Variants in ATXN7L2 observed in about 807,000 individuals in gnomAD.
ATXN7L2 encodes ataxin 7 like 2.
A neutral mutation model predicts 59.6 loss-of-function variants in ATXN7L2; 17 were observed. That is an observed-to-expected ratio of 0.29 (90% CI 0.20 to 0.43). The LOEUF is 0.43. ATXN7L2 is among the 20% of genes least tolerant of loss of function. ATXN7L2 has a pLI of 1.00. For synonymous variants in ATXN7L2, 378 were observed against 392.5 expected (o/e 0.96, Z 0.44); for missense variants, 858 against 1,008.9 (o/e 0.85, Z 2.03).
intron 1 of ATXN7L2, among the ~76,000 whole-genome samples, chr1:109,484,485 C>T (rs1281784968): frequency 7.0e-6 from 1 of 142,190 alleles, no homozygotes; most frequent in Admixed American, 7.1e-5. Flanking sequence ...CTTGTTCCTT[C>T]GCCTTTTGCC....
In ATXN7L2 at chr1:109,490,141, A is replaced by G. The variant is rs760349926; in HGVS notation, c.1332+13A>G. ...ACGGCCACAGGCGGTAAGGACCTGG[A>G]ATAGGGGCCTATGGAGGGGGTGGCC... On this transcript the variant is annotated intron_variant, in intron 8 of 10. Transcript: ENST00000683729. 6.4e-7 allele frequency: 1 copy of G among 1,565,314 alleles called. No individual in the cohort carries two copies. The highest frequency in any genetic ancestry group is 8.7e-7 in the Non-Finnish European group (1 of 1,155,418).
Position 109,484,056 on chromosome 1 carries a change from C to A in ATXN7L2, c.103C>A (p.Arg35=), listed in dbSNP as rs369600058. ...ACAGAGCTGGAGCTCGTGGGTGGAG[C>A]GGGCCGACCTGCCCGCGGCTGACGG... is the stretch of plus-strand genomic sequence containing the variant. ...AGQSWSSWVE[R]ADLPAADGAE... Residue 35 remains arginine, a synonymous_variant, in exon 1 of 11, where the codon CGG becomes AGG. Coordinates refer to ENST00000683729, the MANE Select transcript of ATXN7L2 (RefSeq NM_001350175.2). 1.9e-4 allele frequency: 285 copies of A among 1,514,636 alleles called. No homozygotes were observed. The highest frequency in any genetic ancestry group is 2.5e-4 in the Non-Finnish European group (279 of 1,128,540). 93.8% of individuals were successfully genotyped at this position (1,514,636 alleles called of 1,614,324 possible).
At position 109,492,645 on chromosome 1, in the gene ATXN7L2, C is replaced by T. The variant is rs779633808; in HGVS notation, c.*45C>T. 6 of 1,610,918 alleles carry T rather than the reference C, an allele frequency of 3.7e-6. No individual in the cohort carries two copies. Among genetic ancestry groups the T allele is most frequent in the South Asian group, 1.1e-5 (1 of 90,818 alleles). On this transcript the variant is annotated 3_prime_UTR_variant, in exon 11 of 11. Transcript: ENST00000683729. The stretch of plus-strand genomic sequence containing the variant: ...TGCAACGGAGCCGCCAGCACCTCCT[C>T]CCCTCCAGATCCGGGCCCCAGGCTG...
chr1:109,491,657 T>G lies in ATXN7L2; in HGVS notation c.2190T>G (p.Ser730=), dbSNP rs1657087670. ...GTGCCCCTGCTGATGTGGCCTGCTC[T>G]GTGCGCCGCAAGAAGCCAGGCCCGG... The part of the protein sequence containing the change: ...QAGAPADVAC[S]VRRKKPGPAL... The change falls in exon 10 of 11, where the codon TCT becomes TCG. Residue 730 remains serine, a synonymous_variant. Coordinates refer to ENST00000683729, the MANE Select transcript of ATXN7L2 (RefSeq NM_001350175.2). This position sits in a 1 kb window ranked among gnomAD's most constrained non-coding sequence, Gnocchi z 4.1. 6.2e-7 allele frequency: 1 copy of G among 1,611,620 alleles called. No homozygotes were observed. Among genetic ancestry groups the G allele is most frequent in the Non-Finnish European group, 8.5e-7 (1 of 1,179,062 alleles).
Position 109,487,037 on chromosome 1 carries a change from A to C in ATXN7L2, c.329A>C (p.Tyr110Ser). 4 of 1,607,234 alleles carry C rather than the reference A, an allele frequency of 2.5e-6. No individual in the cohort carries two copies. Among genetic ancestry groups the C allele is most frequent in the Non-Finnish European group, 3.4e-6 (4 of 1,177,052 alleles). The change falls in exon 4 of 11, where the codon TAT becomes TCT. Residue 110 changes from tyrosine (Y) to serine (S), a missense_variant. Around this residue, in one of 3 missense-constraint regions of ATXN7L2, gnomAD observed 734 missense variants for 862.3 expected, o/e 0.85. Coordinates refer to ENST00000683729, the MANE Select transcript of ATXN7L2 (RefSeq NM_001350175.2). The stretch of plus-strand genomic sequence containing the variant: ...AGACATGGGCCCCTCAGCAAGCTTT[A>C]TGGCCGGGCCCCACCCCCACCTCCA... ...ERRHGPLSKL[Y>S]GRAPPPPPAP...
chr1:109,489,105 G>A lies in ATXN7L2; in HGVS notation c.1133+5G>A, dbSNP rs368111387. ...CCCATACTGTGCACTGCCCAGGTAC[G>A]TCTAGAATCCAACCCCTACCTCACC... On this transcript the variant is annotated splice_donor_5th_base_variant and intron_variant, in intron 7 of 10. Transcript: ENST00000683729. The A allele has an allele frequency of 7.6e-5, 122 of 1,606,744 alleles. No individual in the cohort carries two copies. The African/African-American group carries it at 1.4e-3, about 19-fold the overall frequency.
intron 7 of ATXN7L2, chr1:109,489,486 C>T (rs1656858703): frequency 3.1e-6 from 1 of 327,498 alleles, no homozygotes; most frequent in African/African-American, 2.1e-5. Flanking sequence ...GAGAGCCTGA[C>T]TTGCTGAAGG....
chr1:109,492,017 C>A, intron 10 of ATXN7L2: 1 of 1,178,472 alleles, frequency 8.5e-7, no homozygotes. Flanking sequence ...GGCTGTGACC[C>A]TCATTCCAGG....
intron 4 of ATXN7L2, 64 bp downstream of exon 4, chr1:109,487,281 C>G (rs1267387181): frequency 7.2e-7 from 1 of 1,392,798 alleles, no homozygotes; most frequent in South Asian, 1.5e-5. Flanking sequence ...GGGCTGACAT[C>G]AATACAGACA....
intron 1 of ATXN7L2, chr1:109,485,192 C>T (rs1302921083): frequency 3.7e-6 from 3 of 804,186 alleles, no homozygotes; most frequent in South Asian, 5.9e-5. Context: ...TGGAGTCAGA[C>T]GGGTTTGGTG....
Position 109,491,612 on chromosome 1 carries a change from G to T in ATXN7L2, c.2145G>T (p.Lys715Asn), listed in dbSNP as rs1657083354. 1.9e-6 allele frequency: 3 copies of T among 1,613,676 alleles called. No homozygotes were observed. Among genetic ancestry groups the T allele is most frequent in the Non-Finnish European group, 2.5e-6 (3 of 1,179,960 alleles). The stretch of plus-strand genomic sequence containing the variant: ...TGGCCACTTATTGCCGGCCAGTGAA[G>T]GCCAAGCACTGTCAGGCTGGTGCCC... ...KNLATYCRPV[K>N]AKHCQAGAPA... Residue 715 changes from lysine to asparagine, a missense_variant, in exon 10 of 11, where the codon AAG becomes AAT. Transcript: ENST00000683729. The surrounding 1 kb of genome is among the most constrained non-coding windows in gnomAD (Gnocchi z 4.1).
rs745638279 is a variant in ATXN7L2 at position 109,488,336 on chromosome 1, ACTC to A, written c.797-44_797-42del. ...AGGAAGCGGCCAAATCCTCCTGTAA[ACTC>A]CTGGAAATGGTCTTGAGGTTCATTG... On this transcript the variant is annotated intron_variant, in intron 5 of 10. Coordinates refer to ENST00000683729, the MANE Select transcript of ATXN7L2 (RefSeq NM_001350175.2). This position sits in a 1 kb window ranked among gnomAD's most constrained non-coding sequence, Gnocchi z 5.0. The A allele has an allele frequency of 7.8e-6, 12 of 1,536,816 alleles. No individual in the cohort carries two copies. The Admixed American group carries it at 1.3e-4, about 17-fold the overall frequency.
At chr1:109,487,451 T>C (rs1456936568) in intron 4 of ATXN7L2, 67 bp from the exon 5 acceptor site, 8 of 1,402,388 alleles carry the variant, frequency 5.7e-6, no homozygotes, top group Non-Finnish European at 6.6e-6. Flanking sequence ...GGCTCTGGGC[T>C]AGAGTCCAGG....
intron 4 of ATXN7L2, 72 bp downstream of exon 4, chr1:109,487,289 A>G: frequency 7.3e-7 from 1 of 1,378,842 alleles, no homozygotes; most frequent in Non-Finnish European, 9.6e-7. Context: ...ATCAATACAG[A>G]CAGCCCTGGG....
In ATXN7L2 at chr1:109,486,733, G is replaced by A; in HGVS notation, c.298+123G>A. The A allele has an allele frequency of 1.1e-6, 1 of 875,542 alleles. No individual in the cohort carries two copies. The highest frequency in any genetic ancestry group is 2.7e-5 in the Admixed American group (1 of 36,564). The allele number at this position is 875,542 out of a possible 1,614,324, so 54.2% of individuals were successfully genotyped here. A position where few individuals can be genotyped will look rare whatever the true frequency, so the allele number is the denominator to read the frequency against. On this transcript the variant is annotated intron_variant, in intron 3 of 10. Transcript: ENST00000683729. This position sits in a 1 kb window ranked among gnomAD's most constrained non-coding sequence, Gnocchi z 4.3. ...GGGTGGTGTTGAGGATAGGAAGGTTGTGGGGGTGGCTTCAGAGCATTGTGG... is the reference window on the plus strand; with the variant it reads ...GGGTGGTGTTGAGGATAGGAAGGTTATGGGGGTGGCTTCAGAGCATTGTGG...
Position 109,488,345 on chromosome 1 carries a change from A to C in ATXN7L2, c.797-38A>C. On this transcript the variant is annotated intron_variant, in intron 5 of 10. Transcript: ENST00000683729. The surrounding 1 kb of genome is among the most constrained non-coding windows in gnomAD (Gnocchi z 5.0). ...CCAAATCCTCCTGTAAACTCCTGGAAATGGTCTTGAGGTTCATTGGAAGTG... is the reference window on the plus strand; with the variant it reads ...CCAAATCCTCCTGTAAACTCCTGGACATGGTCTTGAGGTTCATTGGAAGTG... The C allele has an allele frequency of 1.2e-5, 18 of 1,554,812 alleles. No homozygotes were observed. Among genetic ancestry groups the C allele is most frequent in the Non-Finnish European group, 1.5e-5 (17 of 1,140,398 alleles).
intron 1 of ATXN7L2, chr1:109,485,716 A>G: frequency 9.8e-7 from 1 of 1,024,986 alleles, no homozygotes; most frequent in Non-Finnish European, 1.2e-6. Flanking sequence ...CAATCACCCA[A>G]CTAGTTAGCA....
chr1:109,486,940 G>A lies in ATXN7L2; in HGVS notation c.299-67G>A. ...TTCTCTCATGTGAGTCTATGGACAT[G>A]GTTAGGTTGGGGAAGGAAGTGGTGA... On this transcript the variant is annotated intron_variant, in intron 3 of 10. Coordinates refer to ENST00000683729, the MANE Select transcript of ATXN7L2 (RefSeq NM_001350175.2). The surrounding 1 kb of genome is among the most constrained non-coding windows in gnomAD (Gnocchi z 4.3). The A allele has an allele frequency of 7.4e-7, 1 of 1,355,808 alleles. No homozygotes were observed. Among genetic ancestry groups the A allele is most frequent in the East Asian group, 2.4e-5 (1 of 41,484 alleles). The allele number at this position is 1,355,808 out of a possible 1,614,324, so 84.0% of individuals were successfully genotyped here.
At chr1:109,489,466 G>T in intron 7 of ATXN7L2, 1 of 330,508 alleles carries the variant, frequency 3.0e-6, no homozygotes, top group East Asian at 6.3e-5. Flanking sequence ...AGGCTATGCC[G>T]GACCCCAGGG....
Sources: gnomAD v4.1 joint callset for allele counts (sites outside exome capture counted in the v4.1 genomes callset) on GRCh38, gnomAD v4.1.1 for gene constraint, gnomAD v4.1.1 regional missense constraint, Gnocchi (gnomAD v3.1) non-coding constraint, MANE v1.5 for transcripts, NCBI Gene and HGNC (gene_info 2026-07-23, HGNC 2026-07-21) for gene names.